Variants in SLC9A9 observed in about 807,000 individuals in gnomAD.
SLC9A9 encodes solute carrier family 9 member A9, also known as sodium/hydrogen exchanger 9.
SLC9A9 carries 62 observed loss-of-function variants against 77.8 expected under a neutral mutation model. That is an observed-to-expected ratio of 0.80 (90% CI 0.65 to 0.98). SLC9A9 has a LOEUF of 0.98. Among genes scored for constraint, SLC9A9 ranks in the 50% least tolerant of loss-of-function variants. The probability of loss-of-function intolerance (pLI) is 0.00; values close to 1 mark genes in which losing one functional copy is unlikely to be tolerated. For synonymous variants in SLC9A9, 320 were observed against 283.5 expected (o/e 1.13, Z -1.29); for missense variants, 775 against 774.9 (o/e 1.00, Z 0.00).
intron 2 of SLC9A9, among the ~76,000 whole-genome samples, chr3:143,826,796 A>G (rs1250008104): frequency 6.6e-6 from 1 of 151,788 alleles, no homozygotes; most frequent in Admixed American, 6.6e-5. Context: ...CCCCAACACC[A>G]CACATACCCC....
chr3:143,732,129 G>T (rs961956460), intron 4 of SLC9A9, among the ~76,000 whole-genome samples: 13 of 152,202 alleles, frequency 8.5e-5, no homozygotes, highest in Non-Finnish European at 1.8e-4. Context: ...ATTGGAGCAT[G>T]TGTCACTGAT....
chr3:143,732,943 T>G (rs1934844905), intron 4 of SLC9A9, among the ~76,000 whole-genome samples: 1 of 152,144 alleles, frequency 6.6e-6, no homozygotes, highest in South Asian at 2.1e-4. Flanking sequence ...GTATTCTGAG[T>G]GGTGCAACTA....
chr3:143,425,263 GCT>G (rs1491283661), intron 12 of SLC9A9, among the ~76,000 whole-genome samples: 147 of 83,376 alleles, frequency 1.8e-3, no homozygotes, highest in African/African-American at 6.3e-3. Flanking sequence ...ATGAGGCTTA[GCT>G]TTTTTTTTTT....
intron 14 of SLC9A9, among the ~76,000 whole-genome samples, chr3:143,324,033 T>C (rs982289000): frequency 2.6e-5 from 4 of 152,202 alleles, no homozygotes; most frequent in Non-Finnish European, 4.4e-5. Flanking sequence ...CAGTCTGCTC[T>C]TGGTGGTAGA....
intron 6 of SLC9A9, among the ~76,000 whole-genome samples, chr3:143,638,136 G>A (rs575550569): frequency 2.6e-5 from 4 of 152,264 alleles, no homozygotes; most frequent in South Asian, 2.1e-4. Flanking sequence ...CAAAGTAGGC[G>A]GGTGAGAATG....
intron 12 of SLC9A9, among the ~76,000 whole-genome samples, chr3:143,393,354 G>T (rs1286530849): frequency 1.3e-5 from 2 of 152,128 alleles, no homozygotes; most frequent in African/African-American, 4.8e-5. Flanking sequence ...ATGACTACTG[G>T]GTACGTAAGG....
intron 9 of SLC9A9, among the ~76,000 whole-genome samples, chr3:143,539,582 A>G (rs546507196): frequency 6.6e-6 from 1 of 152,198 alleles, no homozygotes; most frequent in African/African-American, 2.4e-5. Context: ...AAATGCCATT[A>G]TGAGACTGAA....
chr3:143,520,215 C>A (rs997507355), intron 9 of SLC9A9, among the ~76,000 whole-genome samples: 32 of 152,310 alleles, frequency 2.1e-4, no homozygotes, highest in African/African-American at 7.5e-4. Context: ...TATGTTGAAG[C>A]ACTCACTAAT....
intron 5 of SLC9A9, among the ~76,000 whole-genome samples, chr3:143,659,832 T>C (rs2038953069): frequency 6.6e-6 from 1 of 152,202 alleles, no homozygotes; most frequent in Non-Finnish European, 1.5e-5. Context: ...TTAGCTCCCA[T>C]AATTCCCACA....
rs78936357 is a variant in SLC9A9, at chr3:143,813,777, G to T, written c.379-16874C>A. ...AAGAGACAATGAATTAACCCTTCAA[G>T]ATTCTCATATACTCTTTTGTACCTT... On this transcript the variant is annotated intron_variant, in intron 2 of 15. Transcript: ENST00000316549. Among the ~76,000 whole-genome samples the T allele has an allele frequency of 2.0e-3, 303 of 152,268 alleles. 1 individual carries two copies. Among genetic ancestry groups the T allele is most frequent in the African/African-American group, 6.9e-3 (286 of 41,546 alleles).
At chr3:143,843,566 A>G (rs190111562) in intron 1 of SLC9A9, among the ~76,000 whole-genome samples, 339 of 152,292 alleles carry the variant, frequency 2.2e-3, no homozygotes, top group African/African-American at 7.4e-3. Context: ...CAGTGGCCAC[A>G]ATTTTTACAT....
At chr3:143,402,903 T>TA (rs941372600) in intron 12 of SLC9A9, among the ~76,000 whole-genome samples, 5 of 151,954 alleles carry the variant, frequency 3.3e-5, no homozygotes, top group Admixed American at 6.6e-5. Flanking sequence ...TTGTTGATTT[T>TA]AAAAAATCAT....
At chr3:143,476,232 A>G (rs941069522) in intron 11 of SLC9A9, among the ~76,000 whole-genome samples, 4 of 152,214 alleles carry the variant, frequency 2.6e-5, no homozygotes, top group Non-Finnish European at 5.9e-5. Flanking sequence ...TGAAGCCAAC[A>G]GATTGTTTTC....
chr3:143,316,722 C>T (rs1191373953), intron 14 of SLC9A9, among the ~76,000 whole-genome samples: 1 of 152,082 alleles, frequency 6.6e-6, no homozygotes, highest in Non-Finnish European at 1.5e-5. Context: ...GAAAACTAGG[C>T]CTGCTGGGAA....
intron 12 of SLC9A9, among the ~76,000 whole-genome samples, chr3:143,459,758 T>C (rs930296866): frequency 6.6e-6 from 1 of 152,160 alleles, no homozygotes; most frequent in African/African-American, 2.4e-5. Context: ...CCTGGTCCTC[T>C]GGCTAAAAAC....
intron 12 of SLC9A9, among the ~76,000 whole-genome samples, chr3:143,399,244 A>G (rs2033797927): frequency 6.6e-6 from 1 of 152,202 alleles, no homozygotes; most frequent in Non-Finnish European, 1.5e-5. Flanking sequence ...TGACACATAA[A>G]AAGAGAAGAA....
intron 12 of SLC9A9, among the ~76,000 whole-genome samples, chr3:143,408,124 C>A (rs1456407009): frequency 1.3e-5 from 2 of 152,134 alleles, no homozygotes; most frequent in African/African-American, 4.8e-5. Flanking sequence ...CAGATCGGGG[C>A]CCAATGTTTA....
At position 143,552,439 on chromosome 3, in the gene SLC9A9, C is replaced by T. The variant is rs745908671; in HGVS notation, c.1012G>A (p.Val338Ile). 6.2e-7 allele frequency: 1 copy of T among 1,612,908 alleles called. No individual in the cohort carries two copies. The highest frequency in any genetic ancestry group is 8.5e-7 in the Non-Finnish European group (1 of 1,179,444). ...EAAGLTGIVAVLFCGVTQAHY... is the reference protein window; with the variant it reads ...EAAGLTGIVAILFCGVTQAHY... ...GCTTGTGTGACTCCACAGAAGAGAA[C>T]AGCAACTATCCCTGAAATTAAAAAA... The change falls in exon 9 of 16, where the codon GTT becomes ATT. Residue 338 changes from valine (V) to isoleucine (I), a missense_variant. By Grantham distance (29) the Val-to-Ile change is conservative (BLOSUM62 3). Transcript: ENST00000316549.
chr3:143,327,699 CAT>C (rs1346119480), intron 14 of SLC9A9, among the ~76,000 whole-genome samples: 1 of 152,174 alleles, frequency 6.6e-6, no homozygotes, highest in Admixed American at 6.5e-5. Flanking sequence ...TCTTATTCTA[CAT>C]GCTTGGGGGT....
Sources: gnomAD v4.1 joint callset for allele counts (sites outside exome capture counted in the v4.1 genomes callset) on GRCh38, gnomAD v4.1.1 for gene constraint, MANE v1.5 for transcripts, NCBI Gene and HGNC (gene_info 2026-07-23, HGNC 2026-07-21) for gene names.